Variants in NUDT6 observed in about 807,000 individuals in gnomAD.
NUDT6 encodes the protein nudix hydrolase 6, also known as FAD diphosphatase NUDT6.
In NUDT6, 24 loss-of-function variants were observed where a neutral mutation model predicts 36.8. The observed-to-expected ratio is 0.65, with a 90% confidence interval of 0.47 to 0.92. NUDT6 has a LOEUF of 0.92. NUDT6 is among the 40% of genes least tolerant of loss of function. The pLI is 0.00. For synonymous variants in NUDT6, 163 were observed against 157.0 expected (o/e 1.04, Z -0.29); for missense variants, 388 against 392.8 (o/e 0.99, Z 0.10).
At chr4:122,916,952 T>C (rs13147949) in intron 2 of NUDT6, among the ~76,000 whole-genome samples, 112,625 of 152,112 alleles carry the variant, frequency 0.74, 42,586 homozygotes, top group East Asian at 0.96. Context: ...ATACACTGGA[T>C]ATGGGGAAGA....
chr4:122,913,726 CA>C (rs1311328768), intron 2 of NUDT6, among the ~76,000 whole-genome samples: 4 of 150,964 alleles, frequency 2.6e-5, no homozygotes, highest in East Asian at 1.9e-4. Context: ...AGTTCTAGTT[CA>C]TTTTTTTTTG....
chr4:122,894,238 C>T (rs1258003934), intron 4 of NUDT6: 2 of 152,170 alleles, frequency 1.3e-5, no homozygotes, highest in Non-Finnish European at 2.9e-5. Flanking sequence ...ATGCTGACTT[C>T]CCTTACAATT....
intron 3 of NUDT6, among the ~76,000 whole-genome samples, chr4:122,907,216 T>G (rs28748301): frequency 6.6e-6 from 1 of 151,902 alleles, no homozygotes; most frequent in Non-Finnish European, 1.5e-5. Flanking sequence ...CGGCAACGTC[T>G]GCCTCCTGGG....
At chr4:122,909,930 G>A (rs756249099) in intron 3 of NUDT6, among the ~76,000 whole-genome samples, 1 of 152,166 alleles carries the variant, frequency 6.6e-6, no homozygotes, top group Non-Finnish European at 1.5e-5. Flanking sequence ...ATGGGATGAC[G>A]CCTATTTATT....
intron 2 of NUDT6, among the ~76,000 whole-genome samples, chr4:122,913,689 A>G (rs1727774664): frequency 6.6e-6 from 1 of 152,126 alleles, no homozygotes; most frequent in Admixed American, 6.5e-5. Context: ...CTGCTTTGGA[A>G]GAGTTCTTTG....
At position 122,897,731 on chromosome 4, in the gene NUDT6, A is replaced by G. The variant is rs1048593293; in HGVS notation, c.499-53T>C. 1.6e-5 allele frequency: 19 copies of G among 1,184,196 alleles called. No individual in the cohort carries two copies. In the Admixed American group the frequency reaches 2.3e-4, roughly 14 times the overall value. 73.4% of individuals were successfully genotyped at this position (1,184,196 alleles called of 1,614,324 possible). Reference sequence around the variant, plus strand: ...TAACATAACTTTCACTAACACACACATATGTAGATTTCACAAAATCCACCT... The same window carrying G: ...TAACATAACTTTCACTAACACACACGTATGTAGATTTCACAAAATCCACCT... On this transcript the variant is annotated intron_variant, in intron 3 of 4. Coordinates refer to ENST00000304430, the MANE Select transcript of NUDT6 (RefSeq NM_007083.5).
At chr4:122,922,258 C>A (rs1389879402) in intron 1 of NUDT6, 77 bp downstream of exon 1, 6 of 1,280,772 alleles carry the variant, frequency 4.7e-6, no homozygotes, top group African/African-American at 3.0e-5. Context: ...CACAGAGCGA[C>A]TAGGGAGTGG....
intron 3 of NUDT6, among the ~76,000 whole-genome samples, chr4:122,904,750 C>T (rs572640914): frequency 3.3e-5 from 5 of 152,212 alleles, no homozygotes; most frequent in African/African-American, 4.8e-5. Context: ...CACCGTGCCT[C>T]GCCTCTTCCT....
At chr4:122,894,089 GTAGACTGTCTTACCA>G (rs1385988849) in intron 4 of NUDT6, 2 of 152,248 alleles carry the variant, frequency 1.3e-5, no homozygotes, top group East Asian at 1.9e-4. Flanking sequence ...TGCTGTGACT[GTAGACTGTCTTACCA>G]TAGACTGTCT....
intron 3 of NUDT6, among the ~76,000 whole-genome samples, chr4:122,909,245 G>A (rs943481325): frequency 5.3e-5 from 8 of 151,836 alleles, no homozygotes; most frequent in Non-Finnish European, 2.9e-5. Context: ...TGTTTTTTTA[G>A]TCTAGGTTTA....
chr4:122,909,147 C>T (rs928832468), intron 3 of NUDT6, among the ~76,000 whole-genome samples: 1 of 151,900 alleles, frequency 6.6e-6, no homozygotes. Context: ...CTCACTGTAG[C>T]CTTGACCTTC....
chr4:122,918,876 A>G (rs550436262), intron 1 of NUDT6: 8 of 152,360 alleles, frequency 5.3e-5, no homozygotes, highest in African/African-American at 1.7e-4. Flanking sequence ...TCTTAAGTGT[A>G]CATTTCATGC....
chr4:122,893,338 C>G, intron 4 of NUDT6, 113 bp from the exon 5 acceptor site: 1 of 994,646 alleles, frequency 1.0e-6, no homozygotes, highest in Non-Finnish European at 1.4e-6. Context: ...ATTACCCTAA[C>G]AAAGTAAAGT....
At chr4:122,896,578 ATCTT>A (rs1209097361) in intron 4 of NUDT6, 1 of 152,202 alleles carries the variant, frequency 6.6e-6, no homozygotes, top group Non-Finnish European at 1.5e-5. Context: ...CTACAAAATC[ATCTT>A]TTATATCAAC....
chr4:122,918,028 CA>C (rs1727883086), intron 1 of NUDT6: 1 of 260,310 alleles, frequency 3.8e-6, no homozygotes, highest in Non-Finnish European at 7.4e-6. Flanking sequence ...TAAACCGAAT[CA>C]AATACCATTT....
Position 122,922,413 on chromosome 4 carries a change from C to G in NUDT6, c.160G>C (p.Gly54Arg), listed in dbSNP as rs1167238756. 2 of 1,611,250 alleles carry G rather than the reference C, an allele frequency of 1.2e-6. No homozygotes were observed. Among genetic ancestry groups the G allele is most frequent in the Non-Finnish European group, 8.5e-7 (1 of 1,179,864 alleles). Residue 54 changes from glycine to arginine, a missense_variant, in exon 1 of 5, where the codon GGG becomes CGG. Transcript: ENST00000304430. ...CDLQGELDRF[G>R]GISVRLARLD... ...CGCGCCAGGCGCACCGAGATGCCCC[C>G]GAATCTGTCCAGCTCGCCCTGCAGA... is the stretch of plus-strand genomic sequence containing the variant.
rs117738778 is a variant in NUDT6 at position 122,914,793 on chromosome 4, C to T, written c.443-2170G>A. Among the ~76,000 whole-genome samples, 68 of 152,222 alleles carry T rather than the reference C, an allele frequency of 4.5e-4. No homozygotes were observed. The East Asian group carries it at 8.5e-3, about 19-fold the overall frequency. ...TATTGAATATCTACTTTATGTCACT[C>T]GCTGTCTTTAGCTTGAGGATATCGT... is the stretch of plus-strand genomic sequence containing the variant. On this transcript the variant is annotated intron_variant, in intron 2 of 4. Coordinates refer to ENST00000304430, the MANE Select transcript of NUDT6 (RefSeq NM_007083.5).
intron 3 of NUDT6, among the ~76,000 whole-genome samples, chr4:122,904,744 G>A (rs559226924): frequency 2.0e-5 from 3 of 152,258 alleles, no homozygotes; most frequent in South Asian, 4.1e-4. Flanking sequence ...GTGAGCCACC[G>A]TGCCTCGCCT....
At chr4:122,895,326 C>T (rs1194278069) in intron 4 of NUDT6, 3 of 151,954 alleles carry the variant, frequency 2.0e-5, no homozygotes, top group African/African-American at 7.3e-5. Context: ...TTTATTTTTG[C>T]TGATGAAGAG....
Sources: gnomAD v4.1 joint callset for allele counts (sites outside exome capture counted in the v4.1 genomes callset) on GRCh38, gnomAD v4.1.1 for gene constraint, MANE v1.5 for transcripts, NCBI Gene and HGNC (gene_info 2026-07-23, HGNC 2026-07-21) for gene names.